Variants in GABRB2 observed in about 807,000 individuals in gnomAD.
The protein encoded by GABRB2 is gamma-aminobutyric acid type A receptor subunit beta2, also known as gamma-aminobutyric acid receptor subunit beta-2.
Under a neutral mutation model 54.7 loss-of-function variants are expected in GABRB2, and 16 were observed. The observed-to-expected ratio is 0.29, with a 90% CI of 0.20 to 0.44. The LOEUF (loss-of-function observed/expected upper bound fraction) is 0.44, where lower values mean the gene tolerates loss of function less well. Among genes scored for constraint, GABRB2 ranks in the 20% least tolerant of loss-of-function variants. The probability of loss-of-function intolerance (pLI) is 1.00; values close to 1 mark genes in which losing one functional copy is unlikely to be tolerated. For missense variants in GABRB2, 355 were observed against 644.0 expected, an observed-to-expected ratio of 0.55 and a Z score of 4.86; for synonymous variants, 244 against 233.8, an observed-to-expected ratio of 1.04 and a Z score of -0.40.
chr5:161,331,111 G>A lies in GABRB2; in HGVS notation c.849C>T (p.Leu283=), dbSNP rs780892193. ...GGTGGGTGTTGATTGTGGTCATTGT[G>A]AGGACAGTTGTGATTCCTGAAAAAA... ...ARVALGITTV[L]TMTTINTHLR... is the part of the protein sequence containing the mutation. The change falls in exon 8 of 10, where the codon CTC becomes CTT. Residue 283 remains leucine (L), a synonymous_variant. Coordinates refer to ENST00000393959, the MANE Select transcript of GABRB2 (RefSeq NM_001371727.1). 2.5e-6 allele frequency: 4 copies of A among 1,575,302 alleles called. No homozygotes were observed. Among genetic ancestry groups the A allele is most frequent in the Non-Finnish European group, 3.5e-6 (4 of 1,159,086 alleles).
In GABRB2 at chr5:161,440,562, C is replaced by G. The variant is rs879897787; in HGVS notation, c.458+19062G>C. Among the ~76,000 whole-genome samples, 2 of 152,130 alleles carry G rather than the reference C, an allele frequency of 1.3e-5. 1 individual carries two copies. The highest frequency in any genetic ancestry group is 4.1e-4 in the South Asian group (2 of 4,828). On this transcript the variant is annotated intron_variant, in intron 4 of 9. Transcript: ENST00000393959. ...TAATTGTAAATACATATGCACCCAA[C>G]ATTGGAGCACCCAGATACATAAGGC...
At chr5:161,544,053 T>A (rs183158383) in intron 3 of GABRB2, among the ~76,000 whole-genome samples, 14 of 152,310 alleles carry the variant, frequency 9.2e-5, no homozygotes, top group Admixed American at 1.3e-4. Context: ...CTTTAGACAG[T>A]GTATGAGGAC....
At chr5:161,369,529 A>AGAGG (rs1398956772) in intron 5 of GABRB2, among the ~76,000 whole-genome samples, 1 of 142,568 alleles carries the variant, frequency 7.0e-6, no homozygotes, top group African/African-American at 2.8e-5. Context: ...AGAGAGGAGG[A>AGAGG]GAGGGAGAGA....
intron 4 of GABRB2, among the ~76,000 whole-genome samples, chr5:161,418,333 T>G (rs181715908): frequency 6.6e-6 from 1 of 152,328 alleles, no homozygotes; most frequent in African/African-American, 2.4e-5. Context: ...GGCGGTCTCA[T>G]CTATAGGTAC....
At chr5:161,479,246 T>C (rs1758682676) in intron 3 of GABRB2, among the ~76,000 whole-genome samples, 1 of 152,060 alleles carries the variant, frequency 6.6e-6, no homozygotes, top group Non-Finnish European at 1.5e-5. Flanking sequence ...CTACATCAGA[T>C]ATTCTTTATA....
chr5:161,444,518 C>T (rs1305036960), intron 4 of GABRB2, among the ~76,000 whole-genome samples: 1 of 152,072 alleles, frequency 6.6e-6, no homozygotes, highest in East Asian at 1.9e-4. Flanking sequence ...TTGAGAATAT[C>T]GCAGTGATTG....
intron 8 of GABRB2, among the ~76,000 whole-genome samples, chr5:161,327,626 C>A (rs1033844600): frequency 3.3e-5 from 5 of 152,038 alleles, no homozygotes; most frequent in Admixed American, 2.0e-4. Flanking sequence ...GAAAAAAATG[C>A]GGTAGCATCT....
At position 161,319,245 on chromosome 5, in the gene GABRB2, A is replaced by C. The variant is rs533763720; in HGVS notation, c.1191+7123T>G. ...TCAGAGTTTTTCATAAGACAGGTAG[A>C]TAAAGAGAAATAAACACAGAGACCC... On this transcript the variant is annotated intron_variant, in intron 9 of 9. Transcript: ENST00000393959. 8.6e-5 allele frequency among the ~76,000 whole-genome samples: 13 copies of C among 151,170 alleles called. No individual in the cohort carries two copies. The South Asian group carries it at 2.7e-3, about 31-fold the overall frequency.
At chr5:161,418,763 A>G (rs1360290607) in intron 4 of GABRB2, among the ~76,000 whole-genome samples, 1 of 152,210 alleles carries the variant, frequency 6.6e-6, no homozygotes, top group East Asian at 1.9e-4. Flanking sequence ...AATATCCAGA[A>G]TCTACAAGGA....
intron 4 of GABRB2, among the ~76,000 whole-genome samples, chr5:161,413,583 T>C (rs1312787285): frequency 1.3e-5 from 2 of 152,204 alleles, no homozygotes; most frequent in African/African-American, 4.8e-5. Context: ...GTTTTACATG[T>C]ACATTCTGAA....
chr5:161,441,323 C>T (rs1757459738), intron 4 of GABRB2, among the ~76,000 whole-genome samples: 1 of 152,142 alleles, frequency 6.6e-6, no homozygotes, highest in Admixed American at 6.6e-5. Context: ...CAAAAGAAGA[C>T]ATACAAATCA....
intron 3 of GABRB2, among the ~76,000 whole-genome samples, chr5:161,485,693 G>A (rs887669625): frequency 3.3e-5 from 5 of 151,906 alleles, no homozygotes; most frequent in African/African-American, 1.2e-4. Context: ...AGGTGTTCAT[G>A]AGAGATAACA....
At chr5:161,505,451 C>A (rs1468674464) in intron 3 of GABRB2, among the ~76,000 whole-genome samples, 13 of 151,958 alleles carry the variant, frequency 8.6e-5, no homozygotes, top group Admixed American at 8.5e-4. Flanking sequence ...TTGAGACCAG[C>A]AAAAACCCTA....
intron 3 of GABRB2, among the ~76,000 whole-genome samples, chr5:161,463,596 T>TATATAC (rs1758193124): frequency 8.7e-6 from 1 of 114,494 alleles, no homozygotes; most frequent in Non-Finnish European, 1.8e-5. Context: ...TATATATATA[T>TATATAC]ATATGAAAGA....
chr5:161,502,299 TTAAAA>T (rs1759468938), intron 3 of GABRB2, among the ~76,000 whole-genome samples: 1 of 152,058 alleles, frequency 6.6e-6, no homozygotes, highest in Admixed American at 6.6e-5. Context: ...AATAGATTAA[TTAAAA>T]TATCAGTACT....
chr5:161,474,238 G>T (rs1212731759), intron 3 of GABRB2, among the ~76,000 whole-genome samples: 1 of 151,964 alleles, frequency 6.6e-6, no homozygotes, highest in Non-Finnish European at 1.5e-5. Flanking sequence ...ACCTTCCAAA[G>T]ATCATCAGCA....
At chr5:161,366,775 G>A (rs1014118225) in intron 5 of GABRB2, among the ~76,000 whole-genome samples, 15 of 152,142 alleles carry the variant, frequency 9.9e-5, no homozygotes, top group Middle Eastern at 3.4e-3. Flanking sequence ...GCAAAACCCC[G>A]TCTCTACTAA....
intron 3 of GABRB2, among the ~76,000 whole-genome samples, chr5:161,460,268 A>ATATATATGTGTGTG (rs1473728574): frequency 1.6e-4 from 24 of 148,570 alleles, no homozygotes; most frequent in African/African-American, 5.9e-4. Context: ...TTATATATAT[A>ATATATATGTGTGTG]TGTGTGTGTG....
At chr5:161,394,133 GA>G (rs1176628663) in intron 5 of GABRB2, among the ~76,000 whole-genome samples, 1 of 152,010 alleles carries the variant, frequency 6.6e-6, no homozygotes, top group Non-Finnish European at 1.5e-5. Flanking sequence ...AGACAAAAAT[GA>G]AATTACTAAA....
Sources: allele counts gnomAD v4.1 joint callset (sites outside exome capture counted in the v4.1 genomes callset), GRCh38; gene constraint gnomAD v4.1.1; transcripts MANE v1.5; gene names NCBI Gene and HGNC (gene_info 2026-07-23, HGNC 2026-07-21).